Variants in CCDC136 observed in about 807,000 individuals in gnomAD.
The protein encoded by CCDC136 is coiled-coil domain containing 136.
CCDC136 carries 100 observed loss-of-function variants against 141.2 expected under a neutral mutation model. That is an observed-to-expected ratio of 0.71 (90% CI 0.60 to 0.84). The LOEUF (loss-of-function observed/expected upper bound fraction) is 0.84. Ranked by LOEUF, CCDC136 falls within the 40% of genes least tolerant of loss-of-function variation. The probability of loss-of-function intolerance (pLI) is 0.00; values close to 1 mark genes in which losing one functional copy is unlikely to be tolerated. For synonymous variants in CCDC136, 474 were observed against 531.9 expected, an observed-to-expected ratio of 0.89 and a Z score of 1.50; for missense variants, 1,206 against 1,379.4, an observed-to-expected ratio of 0.87 and a Z score of 1.99.
At chr7:128,799,196 AAGC>A (rs1803594993) in intron 3 of CCDC136, among the ~76,000 whole-genome samples, 1 of 148,466 alleles carries the variant, frequency 6.7e-6, no homozygotes, top group African/African-American at 2.5e-5. Context: ...AAAAAAAAAA[AAGC>A]AGGGCATGGT....
chr7:128,798,075 A>G (rs1387306081), intron 3 of CCDC136, among the ~76,000 whole-genome samples: 2 of 144,180 alleles, frequency 1.4e-5, no homozygotes, highest in South Asian at 2.3e-4. Flanking sequence ...CCGCCACCAC[A>G]CCCGGCTAAT....
chr7:128,816,035 G>A, intron 16 of CCDC136, 104 bp downstream of exon 16: 1 of 1,136,348 alleles, frequency 8.8e-7, no homozygotes, highest in Non-Finnish European at 1.2e-6. Context: ...TCCAGGAGTG[G>A]AGGCCTCGCG....
upstream of CCDC136, chr7:128,791,511 A>C (rs1048929658): frequency 2.9e-5 from 37 of 1,295,864 alleles, no homozygotes; most frequent in Middle Eastern, 2.6e-4. The surrounding 1 kb of genome is among the most constrained non-coding windows in gnomAD (Gnocchi z 7.1). Context: ...CGGGCGCCGG[A>C]GCCGGCGCGG....
chr7:128,806,581 G>C, intron 8 of CCDC136, 107 bp from the exon 9 acceptor site: 1 of 1,183,274 alleles, frequency 8.5e-7, no homozygotes, highest in Non-Finnish European at 1.2e-6. Context: ...GAAGTGAAGG[G>C]CAGGAAGAAG....
rs1206577472 is a variant in CCDC136, at chr7:128,810,357, T to A, written c.2019T>A (p.Asn673Lys). ...AATTGGCTAAGTCCTCCAAATGTAA[T>A]CGAAACAAGGTAACCATAGCAAGAG... Reference protein sequence around the residue: ...DSKLAKSSKCNRNKQSKLLME... With the variant: ...DSKLAKSSKCKRNKQSKLLME... The change falls in exon 12 of 18, where the codon AAT becomes AAA. Residue 673 changes from asparagine (N) to lysine (K), a missense_variant. Asn to Lys is a moderately conservative substitution (Grantham distance 94). Transcript: ENST00000297788. The A allele has an allele frequency of 3.7e-6, 6 of 1,611,372 alleles. No homozygotes were observed. The highest frequency in any genetic ancestry group is 5.1e-6 in the Non-Finnish European group (6 of 1,178,058).
Position 128,811,786 on chromosome 7 carries a change from A to G in CCDC136, c.2029-14A>G. The G allele has an allele frequency of 6.4e-7, 1 of 1,551,158 alleles. No individual in the cohort carries two copies. Among genetic ancestry groups the G allele is most frequent in the Non-Finnish European group, 8.7e-7 (1 of 1,153,418 alleles). On this transcript the variant is annotated splice_polypyrimidine_tract_variant and intron_variant, in intron 12 of 17. Transcript: ENST00000297788. ...GTCAGAGTAATGATACTGTCTCCCC[A>G]CCCCTGCCCCCAGCAATCCAAGCTG...
Position 128,810,265 on chromosome 7 carries a change from C to T in CCDC136, c.1927C>T (p.His643Tyr). The T allele has an allele frequency of 6.2e-7, 1 of 1,613,790 alleles. No homozygotes were observed. Among genetic ancestry groups the T allele is most frequent in the Non-Finnish European group, 8.5e-7 (1 of 1,179,774 alleles). The change falls in exon 12 of 18, where the codon CAC becomes TAC. Residue 643 changes from histidine to tyrosine, a missense_variant. Transcript: ENST00000297788. ...DCVLKEQLEI[H>Y]EELRRFKESH... ...TGTATTAAAAGAACAATTAGAGATC[C>T]ACGAAGAGCTGCGACGTTTCAAAGA...
At chr7:128,815,001 AC>A (rs1330330839) in intron 15 of CCDC136, 82 bp downstream of exon 15, 2 of 1,196,234 alleles carry the variant, frequency 1.7e-6, no homozygotes, top group Non-Finnish European at 2.3e-6. Flanking sequence ...AACCCTTTCA[AC>A]CAGGCAAGGG....
intron 3 of CCDC136, among the ~76,000 whole-genome samples, chr7:128,797,656 G>T (rs2128897697): frequency 6.6e-6 from 1 of 152,328 alleles, no homozygotes; most frequent in East Asian, 1.9e-4. Context: ...ATTGGGTTTG[G>T]AGAGGAAATG....
rs1310066807 is a variant in CCDC136, at chr7:128,796,746, T to A, written c.346+1978T>A. On this transcript the variant is annotated intron_variant, in intron 3 of 17. Coordinates refer to ENST00000297788, the MANE Select transcript of CCDC136 (RefSeq NM_022742.5). ...GAATATATATATATATATATTCTTTTTTTTTTTTTTTTTGAGACGGAGTCT... is the reference window on the plus strand; with the variant it reads ...GAATATATATATATATATATTCTTTATTTTTTTTTTTTTGAGACGGAGTCT... Among the ~76,000 whole-genome samples, 154 of 125,758 alleles carry A rather than the reference T, an allele frequency of 1.2e-3. 14 individuals carry two copies. The Middle Eastern group carries it at 0.014, about 12-fold the overall frequency. 82.5% of individuals were successfully genotyped at this position (125,758 alleles called of 152,430 possible).
intron 10 of CCDC136, 43 bp from the exon 11 acceptor site, chr7:128,809,407 C>CT: frequency 7.3e-7 from 1 of 1,376,322 alleles, no homozygotes; most frequent in Non-Finnish European, 1.0e-6. Context: ...AGAAGCTTAC[C>CT]TTACAGAGTA....
Position 128,810,195 on chromosome 7 carries a change from A to G in CCDC136, c.1857A>G (p.Gln619=), listed in dbSNP as rs1186983805. The G allele has an allele frequency of 1.2e-6, 2 of 1,609,264 alleles. No individual in the cohort carries two copies. Among genetic ancestry groups the G allele is most frequent in the Non-Finnish European group, 1.7e-6 (2 of 1,177,752 alleles). Residue 619 remains glutamine, a synonymous_variant, in exon 12 of 18, where the codon CAA becomes CAG. Transcript: ENST00000297788. The part of the protein sequence containing the change: ...EDLCELQLLY[Q]GMQEEQKKLI... ...TGTGTGAGCTGCAGCTGCTCTACCA[A>G]GGCATGCAGGAGGAACAGAAGAAGC...
rs1202792336 is a variant in CCDC136, at chr7:128,798,375, G to T, written c.347-2811G>T. ...GAAGCAATTCTTCTGCCTCAGCTTCGCGAGTAGCTGGGACTACAAATGCCA... is the reference window on the plus strand; with the variant it reads ...GAAGCAATTCTTCTGCCTCAGCTTCTCGAGTAGCTGGGACTACAAATGCCA... On this transcript the variant is annotated intron_variant, in intron 3 of 17. Coordinates refer to ENST00000297788, the MANE Select transcript of CCDC136 (RefSeq NM_022742.5). Among the ~76,000 whole-genome samples, 4 of 76,304 alleles carry T rather than the reference G, an allele frequency of 5.2e-5. No individual in the cohort carries two copies. The South Asian group carries it at 1.9e-3, about 37-fold the overall frequency. The allele number at this position is 76,304 out of a possible 152,430, so 50.1% of individuals were successfully genotyped here. A position where few individuals can be genotyped will look rare whatever the true frequency, so the allele number is the denominator to read the frequency against.
chr7:128,791,865 G>A, upstream of CCDC136: 1 of 394,986 alleles, frequency 2.5e-6, no homozygotes. This position sits in a 1 kb window ranked among gnomAD's most constrained non-coding sequence, Gnocchi z 7.1. Context: ...CCTGAGCGCG[G>A]GGCGAGGGTG....
Position 128,792,060 on chromosome 7 carries a change from C to G in CCDC136, c.-352C>G. 3.1e-6 allele frequency: 4 copies of G among 1,296,110 alleles called. No homozygotes were observed. Among genetic ancestry groups the G allele is most frequent in the Non-Finnish European group, 3.9e-6 (4 of 1,021,888 alleles). 80.3% of individuals were successfully genotyped at this position (1,296,110 alleles called of 1,614,324 possible). The stretch of plus-strand genomic sequence containing the variant: ...GCCCTCTCCTCCCTGTCCCCCCGGA[C>G]TAAATACGCACACCCCCTCTTTCTT... On this transcript the variant is annotated 5_prime_UTR_variant, in exon 1 of 18. Transcript: ENST00000297788.
chr7:128,803,250 T>G (rs56775139), intron 4 of CCDC136, among the ~76,000 whole-genome samples: 3 of 152,030 alleles, frequency 2.0e-5, no homozygotes, highest in African/African-American at 7.3e-5. Context: ...TAATGATCCT[T>G]CTACCTTGGC....
chr7:128,814,617 C>T, intron 14 of CCDC136, 21 bp from the exon 15 acceptor site: 3 of 1,517,592 alleles, frequency 2.0e-6, no homozygotes, highest in Non-Finnish European at 2.6e-6. Flanking sequence ...CTCTGGGTAA[C>T]TGGCCCTCCA....
At chr7:128,810,494 C>T (rs1374509457) in intron 12 of CCDC136, 128 bp downstream of exon 12, 8 of 654,714 alleles carry the variant, frequency 1.2e-5, no homozygotes, top group African/African-American at 1.1e-4. Flanking sequence ...GGCAAAAGCC[C>T]TGCCTTTCAC....
rs572607890 is a variant in CCDC136 at position 128,819,847 on chromosome 7, T to C, written c.*6-1952T>C. On this transcript the variant is annotated intron_variant, in intron 17 of 17. Coordinates refer to ENST00000297788, the MANE Select transcript of CCDC136 (RefSeq NM_022742.5). ...CCCAAGTAGGAAGACACCATACTTGTGTTTAGGCAACCTCAGATCACATTA... is the reference window on the plus strand; with the variant it reads ...CCCAAGTAGGAAGACACCATACTTGCGTTTAGGCAACCTCAGATCACATTA... Among the ~76,000 whole-genome samples, 6 of 152,342 alleles carry C rather than the reference T, an allele frequency of 3.9e-5. 1 individual carries two copies. The South Asian group carries it at 1.2e-3, about 32-fold the overall frequency.
Sources: gnomAD v4.1 joint callset for allele counts (sites outside exome capture counted in the v4.1 genomes callset) on GRCh38, gnomAD v4.1.1 for gene constraint, Gnocchi (gnomAD v3.1) non-coding constraint, MANE v1.5 for transcripts, NCBI Gene and HGNC (gene_info 2026-07-23, HGNC 2026-07-21) for gene names.